The following ALKBH8 variants were observed in gnomAD, a reference collection of about 807,000 sequenced individuals.
ALKBH8 encodes tRNA (carboxymethyluridine(34)-5-O)-methyltransferase ALKBH8.
Under a neutral mutation model 59.8 loss-of-function variants are expected in ALKBH8, and 36 were observed. That is an observed-to-expected ratio of 0.60 (90% confidence interval 0.46 to 0.79). The LOEUF (loss-of-function observed/expected upper bound fraction) is 0.79, where lower values mean the gene tolerates loss of function less well. Ranked by LOEUF, ALKBH8 falls within the 30% of genes least tolerant of loss-of-function variation. The pLI, the probability that ALKBH8 is intolerant of heterozygous loss-of-function variation, is 0.00. For synonymous variants in ALKBH8, 276 were observed against 273.6 expected (o/e 1.01, Z -0.09); for missense variants, 768 against 801.0 (o/e 0.96, Z 0.50).
At chr11:107,540,499 T>A (rs1307276765) in intron 7 of ALKBH8, among the ~76,000 whole-genome samples, 1 of 152,226 alleles carries the variant, frequency 6.6e-6, no homozygotes, top group Non-Finnish European at 1.5e-5. Context: ...AAAATATATG[T>A]TGCATAACTG....
chr11:107,540,045 T>C (rs559344261), intron 7 of ALKBH8, among the ~76,000 whole-genome samples: 15 of 152,206 alleles, frequency 9.9e-5, no homozygotes, highest in Non-Finnish European at 1.9e-4. Flanking sequence ...AATACCACTG[T>C]GGTCCAAAGG....
At chr11:107,556,075 C>T (rs1864694473) in intron 3 of ALKBH8, among the ~76,000 whole-genome samples, 1 of 152,062 alleles carries the variant, frequency 6.6e-6, no homozygotes, top group East Asian at 1.9e-4. Context: ...GTCAGGAGTT[C>T]GAGGCCAGAC....
In ALKBH8 at chr11:107,535,955, A is replaced by G. The variant is rs74703425; in HGVS notation, c.772-3549T>C. ...TCAAGTGTTAAATTAAATTTAGCCT[A>G]AAGTTAGTTGCCTCCTTATAAGTTC... On this transcript the variant is annotated intron_variant, in intron 7 of 11. Transcript: ENST00000428149. Among the ~76,000 whole-genome samples, 1,218 of 152,312 alleles carry G rather than the reference A, an allele frequency of 8.0e-3. 4 individuals carry two copies. The highest frequency in any genetic ancestry group is 0.013 in the Non-Finnish European group (900 of 68,020).
intron 1 of ALKBH8, among the ~76,000 whole-genome samples, chr11:107,561,742 T>C (rs1001858494): frequency 5.3e-5 from 8 of 152,202 alleles, no homozygotes; most frequent in Admixed American, 2.0e-4. Context: ...CATCATGATA[T>C]AAATCCCAAG....
chr11:107,530,325 A>G lies in ALKBH8; in HGVS notation c.878+1975T>C, dbSNP rs542694765. On this transcript the variant is annotated intron_variant, in intron 8 of 11. Transcript: ENST00000428149. ...TTACAAGGCAGTGTTAACTTTTTTC[A>G]ATCCATGTCCCTCTACAATGCTTTC... Among the ~76,000 whole-genome samples the G allele has an allele frequency of 2.0e-5, 3 of 152,278 alleles. No homozygotes were observed. In the South Asian group the frequency reaches 6.2e-4, roughly 32 times the overall value.
At chr11:107,534,751 C>T (rs1863738525) in intron 7 of ALKBH8, among the ~76,000 whole-genome samples, 1 of 103,844 alleles carries the variant, frequency 9.6e-6, no homozygotes, top group Admixed American at 1.1e-4. Context: ...ATTGACCATT[C>T]CTCATCTTTT....
intron 7 of ALKBH8, among the ~76,000 whole-genome samples, chr11:107,545,027 T>A (rs538117867): frequency 2.6e-5 from 4 of 152,098 alleles, no homozygotes; most frequent in African/African-American, 9.6e-5. Flanking sequence ...CTTCAGGAAA[T>A]GAAAATATTC....
intron 7 of ALKBH8, among the ~76,000 whole-genome samples, chr11:107,536,284 A>C (rs11212277): frequency 0.2 from 30,686 of 152,238 alleles, 3,872 homozygotes; most frequent in South Asian, 0.37. Flanking sequence ...CATTCATTGC[A>C]TAATTAAACT....
intron 1 of ALKBH8, among the ~76,000 whole-genome samples, chr11:107,564,159 CAGCCTA>C (rs1865043628): frequency 6.6e-6 from 1 of 152,130 alleles, no homozygotes; most frequent in African/African-American, 2.4e-5. Context: ...CAGCCAGCTC[CAGCCTA>C]AGCGTACTCT....
At chr11:107,533,196 T>G (rs548321282) in intron 7 of ALKBH8, among the ~76,000 whole-genome samples, 2 of 152,272 alleles carry the variant, frequency 1.3e-5, no homozygotes, top group Middle Eastern at 3.4e-3. Flanking sequence ...TAGCAGCAGC[T>G]GACAAATATG....
intron 10 of ALKBH8, among the ~76,000 whole-genome samples, chr11:107,519,902 T>G (rs1863035077): frequency 1.3e-5 from 2 of 152,120 alleles, no homozygotes; most frequent in Admixed American, 6.5e-5. Context: ...AAATACCTAT[T>G]TACCAGGGTT....
intron 11 of ALKBH8, among the ~76,000 whole-genome samples, chr11:107,510,302 G>T (rs1222537126): frequency 1.3e-5 from 2 of 151,522 alleles, no homozygotes; most frequent in African/African-American, 2.4e-5. Flanking sequence ...GTTCTTTAAA[G>T]AAAGAAAGAA....
In ALKBH8 at chr11:107,551,654, G is replaced by A. The variant is rs950817209; in HGVS notation, c.700+154C>T. On this transcript the variant is annotated intron_variant, in intron 6 of 11. Transcript: ENST00000428149. Reference sequence around the variant, plus strand: ...GGTTGCAGTGAACCGAGACCACGCCGTTGCACTCCAGCATGGGCAACAAGA... The same window carrying A: ...GGTTGCAGTGAACCGAGACCACGCCATTGCACTCCAGCATGGGCAACAAGA... 3.4e-5 allele frequency among the ~76,000 whole-genome samples: 5 copies of A among 146,312 alleles called. No homozygotes were observed. The East Asian group carries it at 6.0e-4, about 18-fold the overall frequency.
intron 2 of ALKBH8, among the ~76,000 whole-genome samples, chr11:107,559,654 T>A (rs538386032): frequency 6.6e-6 from 1 of 152,360 alleles, no homozygotes; most frequent in African/African-American, 2.4e-5. Context: ...GTAAAGTGTA[T>A]GCAAACATAT....
chr11:107,528,563 C>G (rs1358374415), intron 8 of ALKBH8, among the ~76,000 whole-genome samples: 8 of 152,164 alleles, frequency 5.3e-5, no homozygotes, highest in Admixed American at 2.6e-4. Context: ...TATCTTGAAG[C>G]TCTTGTTAGC....
intron 11 of ALKBH8, among the ~76,000 whole-genome samples, chr11:107,509,875 T>C (rs1051066380): frequency 3.9e-5 from 6 of 152,242 alleles, no homozygotes; most frequent in African/African-American, 1.4e-4. Context: ...GTGTACATTA[T>C]TGTCTTTTAT....
chr11:107,515,021 C>T (rs1555040106), intron 10 of ALKBH8, among the ~76,000 whole-genome samples: 1 of 152,108 alleles, frequency 6.6e-6, no homozygotes, highest in Non-Finnish European at 1.5e-5. Flanking sequence ...CCAATTTTAG[C>T]AATAAAGCAT....
intron 7 of ALKBH8, among the ~76,000 whole-genome samples, chr11:107,539,122 C>G (rs1053972354): frequency 2.0e-5 from 3 of 152,144 alleles, no homozygotes; most frequent in Non-Finnish European, 4.4e-5. Flanking sequence ...AAAGGTGATA[C>G]CCGCAGAAGT....
chr11:107,541,704 A>G lies in ALKBH8; in HGVS notation c.771+8049T>C, dbSNP rs546733124. Among the ~76,000 whole-genome samples, 7 of 152,332 alleles carry G rather than the reference A, an allele frequency of 4.6e-5. No homozygotes were observed. The East Asian group carries it at 1.2e-3, about 25-fold the overall frequency. ...CTATAAATGTAGAAAGCCAGCCTCCATATCAGACATTCTGAATCAGAATAA... is the reference window on the plus strand; with the variant it reads ...CTATAAATGTAGAAAGCCAGCCTCCGTATCAGACATTCTGAATCAGAATAA... On this transcript the variant is annotated intron_variant, in intron 7 of 11. Coordinates refer to ENST00000428149, the MANE Select transcript of ALKBH8 (RefSeq NM_138775.3).
Sources: allele counts gnomAD v4.1 joint callset (sites outside exome capture counted in the v4.1 genomes callset), GRCh38; gene constraint gnomAD v4.1.1; transcripts MANE v1.5; gene names NCBI Gene and HGNC (gene_info 2026-07-23, HGNC 2026-07-21).